Variants in SARS2 observed in about 807,000 individuals in gnomAD.
SARS2 encodes serine--tRNA ligase, mitochondrial.
SARS2 carries 52 observed loss-of-function variants against 66.8 expected under a neutral mutation model. That is an observed-to-expected ratio of 0.78 (90% CI 0.62 to 0.98). The LOEUF (loss-of-function observed/expected upper bound fraction) is 0.98, where lower values mean the gene tolerates loss of function less well. SARS2 is among the 50% of genes least tolerant of loss of function. The pLI, the probability that SARS2 is intolerant of heterozygous loss-of-function variation, is 0.00. For missense variants in SARS2, 673 were observed against 706.3 expected, an observed-to-expected ratio of 0.95 and a Z score of 0.53; for synonymous variants, 306 against 281.4, an observed-to-expected ratio of 1.09 and a Z score of -0.87.
At chr19:38,920,271 G>C (rs958655711) in intron 5 of SARS2, 122 bp from the exon 6 acceptor site, 7 of 774,476 alleles carry the variant, frequency 9.0e-6, no homozygotes, top group Non-Finnish European at 1.6e-5. Flanking sequence ...GGGGCAGGAG[G>C]AGAGAAGGGA....
intron 9 of SARS2, 23 bp downstream of exon 9, chr19:38,918,399 C>A (rs780846488): frequency 6.3e-7 from 1 of 1,596,548 alleles, no homozygotes; most frequent in Admixed American, 1.7e-5. Flanking sequence ...CTGCTCCTCC[C>A]CACCACCCAC....
At chr19:38,928,844 T>G (rs1419004915) in intron 1 of SARS2, among the ~76,000 whole-genome samples, 4 of 152,182 alleles carry the variant, frequency 2.6e-5, no homozygotes, top group Non-Finnish European at 5.9e-5. Context: ...TGAGTATATC[T>G]GTCTCTATGA....
Position 38,921,968 on chromosome 19 carries a change from C to T in SARS2, c.393+270G>A, listed in dbSNP as rs1170485266. On this transcript the variant is annotated intron_variant, in intron 3 of 15. Transcript: ENST00000221431. ...GCCCCAGGACTTTAACTGGAACTAT[C>T]AGGAAAGCGTGCTTGACTTTGCCTC... 12 of 1,551,222 alleles carry T rather than the reference C, an allele frequency of 7.7e-6. No individual in the cohort carries two copies. The African/African-American group carries it at 1.6e-4, about 21-fold the overall frequency.
At chr19:38,930,029 T>C (rs1011566385) in intron 1 of SARS2, 1 of 171,278 alleles carries the variant, frequency 5.8e-6, no homozygotes, top group Non-Finnish European at 1.3e-5. Flanking sequence ...CTGCCTGCTA[T>C]GTGTGGCGGA....
chr19:38,918,608 C>T (rs1487157353), intron 8 of SARS2, 78 bp from the exon 9 acceptor site: 13 of 1,397,294 alleles, frequency 9.3e-6, no homozygotes, highest in African/African-American at 1.4e-5. Context: ...AACCCCAGCT[C>T]CTCCCCTGAA....
chr19:38,921,316 AG>A, intron 5 of SARS2, 75 bp downstream of exon 5: 1 of 1,492,010 alleles, frequency 6.7e-7, no homozygotes, highest in South Asian at 1.2e-5. Flanking sequence ...CCCAGACCCC[AG>A]GGGCCCCCAC....
At chr19:38,918,323 C>T in intron 9 of SARS2, 99 bp downstream of exon 9, 1 of 1,245,164 alleles carries the variant, frequency 8.0e-7, no homozygotes, top group Non-Finnish European at 1.2e-6. Flanking sequence ...GGCTGCTGAG[C>T]TGCTCGGGGC....
In SARS2 at chr19:38,915,688, G is replaced by A; in HGVS notation, c.1475C>T (p.Ala492Val). ...GTACTGGAGAGGCACGTGGGTAGGG[G>A]CTGTGATCCGATCAGTGCCGAGGTA... The part of the protein sequence containing the change: ...QSYLGTDRIT[A>V]PTHVPLQYIG... Residue 492 changes from alanine to valine, a missense_variant, in exon 16 of 16, where the codon GCC (alanine) becomes GTC (valine). Physicochemically the swap from Ala to Val is moderately conservative, Grantham distance 64. Coordinates refer to ENST00000221431, the MANE Select transcript of SARS2 (RefSeq NM_017827.4). The A allele has an allele frequency of 6.2e-7, 1 of 1,613,368 alleles. No homozygotes were observed. Among genetic ancestry groups the A allele is most frequent in the Non-Finnish European group, 8.5e-7 (1 of 1,179,670 alleles).
intron 2 of SARS2, among the ~76,000 whole-genome samples, chr19:38,923,219 C>CTTTTTTTT (rs1165441029): frequency 1.3e-5 from 1 of 75,762 alleles, no homozygotes; most frequent in Non-Finnish European, 2.4e-5. Flanking sequence ...CTCAGGTTTT[C>CTTTTTTTT]TTTTTTTTTT....
rs1403490193 is a variant in SARS2 at position 38,922,265 on chromosome 19, T to C, written c.366A>G (p.Ala122=). The C allele has an allele frequency of 1.9e-6, 3 of 1,614,162 alleles. No individual in the cohort carries two copies. In the Admixed American group the frequency reaches 5.0e-5, roughly 27 times the overall value. Residue 122 remains alanine, a splice_region_variant and synonymous_variant, in exon 3 of 16, where the codon GCA becomes GCG. Transcript: ENST00000221431. The stretch of plus-strand genomic sequence containing the variant: ...GCTGCACTTCACCACTGTCCTGGTT[T>C]GCCTGGTAGAAAAGAGACAGGGTGG... The part of the protein sequence containing the change: ...AVTEAVRALL[A]NQDSGEVQQD...
intron 2 of SARS2, 134 bp from the exon 3 acceptor site, chr19:38,922,401 G>T: frequency 1.2e-6 from 1 of 817,588 alleles, no homozygotes; most frequent in Non-Finnish European, 2.1e-6. Flanking sequence ...GGGTCCCTCT[G>T]CAACTCTGTG....
Position 38,930,588 on chromosome 19 carries a change from T to C in SARS2, c.149A>G (p.Glu50Gly). 6.2e-7 allele frequency: 1 copy of C among 1,614,042 alleles called. No individual in the cohort carries two copies. Among genetic ancestry groups the C allele is most frequent in the South Asian group, 1.1e-5 (1 of 91,088 alleles). Residue 50 changes from glutamate to glycine, a missense_variant, in exon 1 of 16, where the codon GAG becomes GGG. Transcript: ENST00000221431. ...NRNLLYEYAR[E>G]GYSALPQLDI... ...CAGCTGAGGGAGTGCGCTGTAGCCCTCGCGCGCATACTCGTACAGGAGGTT... is the reference window on the plus strand; with the variant it reads ...CAGCTGAGGGAGTGCGCTGTAGCCCCCGCGCGCATACTCGTACAGGAGGTT...
rs1271579801 is a variant in SARS2, at chr19:38,916,248, C to A, written c.1227G>T (p.Trp409Cys). 4 of 1,614,076 alleles carry A rather than the reference C, an allele frequency of 2.5e-6. No individual in the cohort carries two copies. The highest frequency in any genetic ancestry group is 3.4e-6 in the Non-Finnish European group (4 of 1,179,942). Residue 409 changes from tryptophan (W) to cysteine (C), a missense_variant, in exon 13 of 16, where the codon TGG (tryptophan) becomes TGT (cysteine). Transcript: ENST00000221431. Reference sequence around the variant, plus strand: ...CTCCAAAGCGGCCTCGGCCTGGCATCCAGGCCTCAATGTCAAACTTGCGGT... The same window carrying A: ...CTCCAAAGCGGCCTCGGCCTGGCATACAGGCCTCAATGTCAAACTTGCGGT... ...PAYRKFDIEA[W>C]MPGRGRFGEV...
chr19:38,915,521 G>C lies in SARS2; in HGVS notation c.*85C>G. 2 of 1,528,452 alleles carry C rather than the reference G, an allele frequency of 1.3e-6. No individual in the cohort carries two copies. Among genetic ancestry groups the C allele is most frequent in the Non-Finnish European group, 1.8e-6 (2 of 1,121,740 alleles). 94.7% of individuals were successfully genotyped at this position (1,528,452 alleles called of 1,614,324 possible). A position where few individuals can be genotyped will look rare whatever the true frequency, so the allele number is the denominator to read the frequency against. ...AGGAAGAACACAGATGTCAGGACGG[G>C]CTCAGCAACACAGGTCCCAGGTGTC... is the stretch of plus-strand genomic sequence containing the variant. On this transcript the variant is annotated 3_prime_UTR_variant, in exon 16 of 16. Coordinates refer to ENST00000221431, the MANE Select transcript of SARS2 (RefSeq NM_017827.4).
intron 1 of SARS2, among the ~76,000 whole-genome samples, chr19:38,928,048 C>T (rs1372465157): frequency 6.6e-6 from 1 of 151,172 alleles, no homozygotes; most frequent in Non-Finnish European, 1.5e-5. Context: ...AACAAACAAA[C>T]AGCTGCTCAA....
In SARS2 at chr19:38,918,473, C is replaced by G; in HGVS notation, c.865G>C (p.Ala289Pro). 6.2e-7 allele frequency: 1 copy of G among 1,614,226 alleles called. No homozygotes were observed. The highest frequency in any genetic ancestry group is 1.1e-5 in the South Asian group (1 of 91,088). ...GCCAGGTTGAGATCTTTGAAGCGGGCAGGGTCGATGTTGTAAATTTGGGAT... is the reference window on the plus strand; with the variant it reads ...GCCAGGTTGAGATCTTTGAAGCGGGGAGGGTCGATGTTGTAAATTTGGGAT... ...NPSQIYNIDP[A>P]RFKDLNLAGT... The change falls in exon 9 of 16, where the codon GCC (alanine) becomes CCC (proline). Residue 289 changes from alanine to proline, a missense_variant. Ala to Pro is a conservative substitution (Grantham distance 27, BLOSUM62 -1). Coordinates refer to ENST00000221431, the MANE Select transcript of SARS2 (RefSeq NM_017827.4).
At chr19:38,930,267 T>C (rs545507361) in intron 1 of SARS2, 54 of 647,796 alleles carry the variant, frequency 8.3e-5, no homozygotes, top group Admixed American at 5.6e-4. Context: ...CAGGACACAG[T>C]AGGCATTCTT....
intron 2 of SARS2, among the ~76,000 whole-genome samples, chr19:38,925,657 G>A (rs1285965919): frequency 6.6e-6 from 1 of 152,172 alleles, no homozygotes; most frequent in East Asian, 1.9e-4. Context: ...AAACCCTGAT[G>A]GGAAACTGAG....
rs746395732 is a variant in SARS2 at position 38,917,842 on chromosome 19, G to GAGGGCACAGGA, written c.1051-20_1051-10dup. On this transcript the variant is annotated splice_polypyrimidine_tract_variant and intron_variant, in intron 11 of 15. Coordinates refer to ENST00000221431, the MANE Select transcript of SARS2 (RefSeq NM_017827.4). ...ACCCCAAACATCTCCACCTGGGACA[G>GAGGGCACAGGA]AGGGCACAGGAGTCAGGAGGCTCTG... The GAGGGCACAGGA allele has an allele frequency of 5.0e-6, 8 of 1,612,550 alleles. No individual in the cohort carries two copies. The highest frequency in any genetic ancestry group is 6.8e-6 in the Non-Finnish European group (8 of 1,178,600).
Sources: allele counts gnomAD v4.1 joint callset (sites outside exome capture counted in the v4.1 genomes callset), GRCh38; gene constraint gnomAD v4.1.1; transcripts MANE v1.5; gene names NCBI Gene and HGNC (gene_info 2026-07-23, HGNC 2026-07-21).